Variants in TAFA1 observed in about 807,000 individuals in gnomAD.
The protein encoded by TAFA1 is chemokine-like protein TAFA-1.
Under a neutral mutation model 18.5 loss-of-function variants are expected in TAFA1, and 4 were observed. That is an observed-to-expected ratio of 0.22 (90% CI 0.11 to 0.49). The LOEUF is 0.49. Ranked by LOEUF, TAFA1 falls within the 20% of genes least tolerant of loss-of-function variation. The pLI, the probability that TAFA1 is intolerant of heterozygous loss-of-function variation, is 0.98. For synonymous variants in TAFA1, 56 were observed against 55.2 expected (o/e 1.01, Z -0.06); for missense variants, 147 against 169.0 (o/e 0.87, Z 0.72).
chr3:68,296,837 T>C (rs186621793), intron 2 of TAFA1, among the ~76,000 whole-genome samples: 115 of 152,322 alleles, frequency 7.5e-4, no homozygotes, highest in Non-Finnish European at 1.5e-4. Context: ...GGAGACCTGT[T>C]CATCAAATAA....
intron 2 of TAFA1, among the ~76,000 whole-genome samples, chr3:68,165,794 G>T (rs937582837): frequency 6.6e-6 from 1 of 152,220 alleles, no homozygotes; most frequent in African/African-American, 2.4e-5. Context: ...CAATACATGA[G>T]TAATTAAGCT....
chr3:68,355,608 C>G (rs1469020148), intron 2 of TAFA1, among the ~76,000 whole-genome samples: 1 of 151,920 alleles, frequency 6.6e-6, no homozygotes, highest in Non-Finnish European at 1.5e-5. Flanking sequence ...ATAAAAATCC[C>G]CCAATCCCAG....
chr3:68,289,125 G>T (rs1286906025), intron 2 of TAFA1, among the ~76,000 whole-genome samples: 2 of 152,152 alleles, frequency 1.3e-5, no homozygotes, highest in Non-Finnish European at 2.9e-5. Flanking sequence ...TAAGGTGCCT[G>T]TTCATGTCTC....
chr3:68,387,582 T>C (rs1033646521), intron 2 of TAFA1, among the ~76,000 whole-genome samples: 6 of 152,132 alleles, frequency 3.9e-5, no homozygotes, highest in Non-Finnish European at 5.9e-5. Context: ...CCAGACATTA[T>C]GATGGGTGCT....
At chr3:68,394,516 A>G (rs1020063804) in intron 2 of TAFA1, among the ~76,000 whole-genome samples, 1 of 152,178 alleles carries the variant, frequency 6.6e-6, no homozygotes, top group African/African-American at 2.4e-5. Flanking sequence ...AGCAAAAAGA[A>G]CAAAATTGGA....
intron 2 of TAFA1, among the ~76,000 whole-genome samples, chr3:68,310,951 A>C (rs758499944): frequency 2.0e-5 from 3 of 152,132 alleles, no homozygotes; most frequent in Non-Finnish European, 4.4e-5. Context: ...GACACACCCG[A>C]GCCTGGGCAA....
rs1559694779 is a variant in TAFA1 at position 68,498,721 on chromosome 3, G to GTTT, written c.260-40035_260-40034insTTT. 9.8e-5 allele frequency among the ~76,000 whole-genome samples: 10 copies of GTTT among 101,694 alleles called. 1 individual carries two copies. The highest frequency in any genetic ancestry group is 1.6e-4 in the African/African-American group (3 of 18,846). The allele number at this position is 101,694 out of a possible 152,430, so 66.7% of individuals were successfully genotyped here. A position where few individuals can be genotyped will look rare whatever the true frequency, so the allele number is the denominator to read the frequency against. ...AAATTCCTCCCAAAGCCGTTTGGTG[G>GTTT]CTTTTTTTTTTTTTTTTTTTTTTTT... On this transcript the variant is annotated intron_variant, in intron 3 of 4. Transcript: ENST00000478136.
intron 2 of TAFA1, among the ~76,000 whole-genome samples, chr3:68,187,470 G>A (rs1366500921): frequency 6.6e-6 from 1 of 151,980 alleles, no homozygotes; most frequent in Non-Finnish European, 1.5e-5. Context: ...TACACTCATT[G>A]TGGCTTCACT....
chr3:68,379,724 A>AT (rs71112638), intron 2 of TAFA1, among the ~76,000 whole-genome samples: 23,741 of 141,804 alleles, frequency 0.17, 2,548 homozygotes, highest in East Asian at 0.47. Context: ...TTTTAAGTTG[A>AT]TTTTTTTTTT....
chr3:68,073,931 T>G (rs114827076), intron 2 of TAFA1, among the ~76,000 whole-genome samples: 4 of 152,258 alleles, frequency 2.6e-5, no homozygotes, highest in African/African-American at 9.6e-5. Flanking sequence ...GGTTTTGGGA[T>G]GATTCAAGCA....
In TAFA1 at chr3:68,066,353, G is replaced by A. The variant is rs373114540; in HGVS notation, c.118+59609G>A. Reference sequence around the variant, plus strand: ...TGCTATATTCCAGCTTCTAGAATGTGCTTGGCACATAGTAGGAGCTTGATA... The same window carrying A: ...TGCTATATTCCAGCTTCTAGAATGTACTTGGCACATAGTAGGAGCTTGATA... On this transcript the variant is annotated intron_variant, in intron 2 of 4. Transcript: ENST00000478136. Among the ~76,000 whole-genome samples, 30 of 152,238 alleles carry A rather than the reference G, an allele frequency of 2.0e-4. No individual in the cohort carries two copies. In the East Asian group the frequency reaches 5.2e-3, roughly 26 times the overall value.
chr3:68,422,033 G>C (rs1025658009), intron 3 of TAFA1, among the ~76,000 whole-genome samples: 2 of 151,942 alleles, frequency 1.3e-5, no homozygotes, highest in African/African-American at 2.4e-5. Flanking sequence ...ATTGCCCAGG[G>C]ACTATTACTA....
intron 2 of TAFA1, among the ~76,000 whole-genome samples, chr3:68,056,728 G>A (rs2064541077): frequency 6.6e-6 from 1 of 152,118 alleles, no homozygotes; most frequent in Admixed American, 6.6e-5. Context: ...ATTGGCAAAG[G>A]GCTACTCCTA....
intron 2 of TAFA1, among the ~76,000 whole-genome samples, chr3:68,232,981 T>A (rs149748946): frequency 6.6e-6 from 1 of 152,158 alleles, no homozygotes; most frequent in East Asian, 1.9e-4. Flanking sequence ...TAACAATATA[T>A]GAGTTCCCTT....
rs1704567497 is a variant in TAFA1 at position 68,016,246 on chromosome 3, T to C, written c.118+9502T>C. On this transcript the variant is annotated intron_variant, in intron 2 of 4. Coordinates refer to ENST00000478136, the MANE Select transcript of TAFA1 (RefSeq NM_213609.4). Reference sequence around the variant, plus strand: ...TCAGAAAATATTTTATCTATATTCCTATTGCTAAAACATGTATAGTCATGT... The same window carrying C: ...TCAGAAAATATTTTATCTATATTCCCATTGCTAAAACATGTATAGTCATGT... Among the ~76,000 whole-genome samples, 3 of 152,236 alleles carry C rather than the reference T, an allele frequency of 2.0e-5. No individual in the cohort carries two copies. In the South Asian group the frequency reaches 6.2e-4, roughly 31 times the overall value.
intron 2 of TAFA1, among the ~76,000 whole-genome samples, chr3:68,344,493 A>G (rs1170439973): frequency 1.3e-5 from 2 of 152,228 alleles, no homozygotes; most frequent in Non-Finnish European, 2.9e-5. Context: ...TCCAGAGTAC[A>G]GACGTGTGTG....
intron 2 of TAFA1, among the ~76,000 whole-genome samples, chr3:68,098,791 G>A (rs1009424109): frequency 6.6e-6 from 1 of 151,990 alleles, no homozygotes. Flanking sequence ...AACATGGTAC[G>A]GGTACAAAAA....
chr3:68,466,769 C>A (rs1575893535), intron 3 of TAFA1, among the ~76,000 whole-genome samples: 2 of 152,182 alleles, frequency 1.3e-5, no homozygotes, highest in Non-Finnish European at 2.9e-5. Flanking sequence ...ATCGGAGGAA[C>A]CACCCCTGAT....
intron 2 of TAFA1, among the ~76,000 whole-genome samples, chr3:68,385,609 A>G (rs2070082187): frequency 1.3e-5 from 2 of 152,074 alleles, no homozygotes; most frequent in South Asian, 4.1e-4. Context: ...AATATGTGGC[A>G]TGTTGTAGGC....
Sources: gnomAD v4.1 joint callset for allele counts (sites outside exome capture counted in the v4.1 genomes callset) on GRCh38, gnomAD v4.1.1 for gene constraint, MANE v1.5 for transcripts, NCBI Gene and HGNC (gene_info 2026-07-23, HGNC 2026-07-21) for gene names.